The following CNTNAP2 variants were observed in gnomAD, a reference collection of about 807,000 sequenced individuals.
The protein encoded by CNTNAP2 is contactin-associated protein-like 2.
In CNTNAP2, 98 loss-of-function variants were observed where a neutral mutation model predicts 155.2. The ratio of observed to expected loss-of-function variants is 0.63; its 90% CI spans 0.54 to 0.75. The LOEUF (loss-of-function observed/expected upper bound fraction) is 0.75. CNTNAP2 is among the 30% of genes least tolerant of loss of function. The pLI, the probability that CNTNAP2 is intolerant of heterozygous loss-of-function variation, is 0.00. For missense variants in CNTNAP2, 1,727 were observed against 1,688.1 expected, an observed-to-expected ratio of 1.02 and a Z score of -0.40; for synonymous variants, 651 against 631.2, an observed-to-expected ratio of 1.03 and a Z score of -0.47.
At chr7:148,364,305 T>C (rs1798687874) in intron 21 of CNTNAP2, among the ~76,000 whole-genome samples, 1 of 152,252 alleles carries the variant, frequency 6.6e-6, no homozygotes, top group Non-Finnish European at 1.5e-5. Context: ...AGTCTTTATA[T>C]CTAGCTCAGG....
At chr7:147,417,154 G>GT (rs1347492187) in intron 10 of CNTNAP2, among the ~76,000 whole-genome samples, 3 of 151,390 alleles carry the variant, frequency 2.0e-5, no homozygotes, top group African/African-American at 7.3e-5. Context: ...CCTTTTGACT[G>GT]TATCATCTCA....
chr7:146,137,856 A>G (rs1326766609), intron 1 of CNTNAP2, among the ~76,000 whole-genome samples: 3 of 151,900 alleles, frequency 2.0e-5, no homozygotes, highest in African/African-American at 4.8e-5. Flanking sequence ...TATTTTAAAA[A>G]TAAACATGTA....
rs566431620 is a variant in CNTNAP2, at chr7:148,349,648, G to A, written c.3476-34001G>A. On this transcript the variant is annotated intron_variant, in intron 21 of 23. Transcript: ENST00000361727. ...GATCTCCTGACCTCGTGATCCGCCCGTCTCAGCCTCCCAAAGTGCTGGGAT... is the reference window on the plus strand; with the variant it reads ...GATCTCCTGACCTCGTGATCCGCCCATCTCAGCCTCCCAAAGTGCTGGGAT... 1.8e-4 allele frequency among the ~76,000 whole-genome samples: 27 copies of A among 152,164 alleles called. No individual in the cohort carries two copies. The East Asian group carries it at 3.1e-3, about 17-fold the overall frequency.
chr7:147,192,476 C>G (rs549530975), intron 8 of CNTNAP2, among the ~76,000 whole-genome samples: 3 of 152,264 alleles, frequency 2.0e-5, no homozygotes, highest in African/African-American at 7.2e-5. Flanking sequence ...GTTAAACATG[C>G]AAATTATCTG....
At chr7:147,277,090 C>T (rs1804911754) in intron 8 of CNTNAP2, among the ~76,000 whole-genome samples, 1 of 151,982 alleles carries the variant, frequency 6.6e-6, no homozygotes, top group African/African-American at 2.4e-5. Flanking sequence ...AGTAATTTAT[C>T]TTTATAAAAC....
rs780621380 is a variant in CNTNAP2, at chr7:148,267,839, C to G, written c.3475+713C>G. 1.8e-4 allele frequency among the ~76,000 whole-genome samples: 27 copies of G among 152,128 alleles called. 1 individual carries two copies. Among genetic ancestry groups the G allele is most frequent in the Non-Finnish European group, 3.4e-4 (23 of 68,026 alleles). On this transcript the variant is annotated intron_variant, in intron 21 of 23. Transcript: ENST00000361727. ...AATTTGGTCTATTACAGACCTCTAC[C>G]TACTAGCAATATGTAATTTAACGTT...
intron 15 of CNTNAP2, among the ~76,000 whole-genome samples, chr7:148,073,234 G>A (rs940804653): frequency 5.9e-5 from 9 of 152,128 alleles, no homozygotes; most frequent in South Asian, 2.1e-4. Context: ...ATAAGATAGC[G>A]TCATGTGTCA....
At chr7:147,828,657 C>A (rs77627573) in intron 13 of CNTNAP2, among the ~76,000 whole-genome samples, 6,736 of 152,140 alleles carry the variant, frequency 0.044, 267 homozygotes, top group Admixed American at 0.12. Context: ...TTGCTATTAC[C>A]CCATGCTACA....
chr7:146,942,187 G>GA, intron 3 of CNTNAP2, among the ~76,000 whole-genome samples: 1 of 151,928 alleles, frequency 6.6e-6, no homozygotes, highest in Non-Finnish European at 1.5e-5. Flanking sequence ...GAATGGAATG[G>GA]AAAAATACCT....
chr7:148,074,763 C>T (rs1240068609), intron 15 of CNTNAP2, among the ~76,000 whole-genome samples: 1 of 151,790 alleles, frequency 6.6e-6, no homozygotes, highest in African/African-American at 2.4e-5. Flanking sequence ...TCCAAGTTTT[C>T]TTCTGATATG....
chr7:147,758,290 G>A (rs181105513), intron 13 of CNTNAP2, among the ~76,000 whole-genome samples: 7 of 152,258 alleles, frequency 4.6e-5, no homozygotes, highest in South Asian at 4.1e-4. Flanking sequence ...TTATCTCACC[G>A]AAAATGTATC....
intron 13 of CNTNAP2, among the ~76,000 whole-genome samples, chr7:147,881,980 C>T (rs1057323555): frequency 6.6e-6 from 1 of 151,798 alleles, no homozygotes; most frequent in Non-Finnish European, 1.5e-5. Context: ...CACCCCTCAT[C>T]CCTACCAAGA....
intron 1 of CNTNAP2, among the ~76,000 whole-genome samples, chr7:146,477,338 G>T (rs1796892903): frequency 6.6e-6 from 1 of 152,136 alleles, no homozygotes; most frequent in Non-Finnish European, 1.5e-5. Context: ...CTTTGTGAAT[G>T]TGTTGCTAAG....
intron 9 of CNTNAP2, among the ~76,000 whole-genome samples, chr7:147,303,373 A>G (rs1383205883): frequency 2.6e-5 from 4 of 152,050 alleles, no homozygotes; most frequent in African/African-American, 9.7e-5. Flanking sequence ...TCTAAGAGTC[A>G]CCCCCTCTGG....
At chr7:147,746,536 C>G (rs140111754) in intron 13 of CNTNAP2, among the ~76,000 whole-genome samples, 1 of 152,162 alleles carries the variant, frequency 6.6e-6, no homozygotes, top group African/African-American at 2.4e-5. Flanking sequence ...TACCCCATCA[C>G]GACACAAAAA....
intron 1 of CNTNAP2, among the ~76,000 whole-genome samples, chr7:146,622,919 T>G (rs1413325482): frequency 6.8e-6 from 1 of 147,698 alleles, no homozygotes; most frequent in Non-Finnish European, 1.5e-5. Context: ...ATCATGCCAT[T>G]GCACTCTAGC....
chr7:146,139,787 G>T (rs569182591), intron 1 of CNTNAP2, among the ~76,000 whole-genome samples: 11 of 152,196 alleles, frequency 7.2e-5, no homozygotes, highest in Middle Eastern at 3.4e-3. Context: ...GTGTTTTTAA[G>T]GTCCATAAAC....
chr7:147,245,592 G>A (rs1804043423), intron 8 of CNTNAP2, among the ~76,000 whole-genome samples: 1 of 151,784 alleles, frequency 6.6e-6, no homozygotes, highest in Non-Finnish European at 1.5e-5. Context: ...TTAGCACGTC[G>A]GGAGGCCAAG....
At chr7:146,488,017 C>A (rs1054684206) in intron 1 of CNTNAP2, among the ~76,000 whole-genome samples, 2 of 152,120 alleles carry the variant, frequency 1.3e-5, no homozygotes, top group African/African-American at 4.8e-5. Flanking sequence ...ATGGCTAAAA[C>A]CAAATATCAT....
Sources: gnomAD v4.1 joint callset for allele counts (sites outside exome capture counted in the v4.1 genomes callset) on GRCh38, gnomAD v4.1.1 for gene constraint, MANE v1.5 for transcripts, NCBI Gene and HGNC (gene_info 2026-07-23, HGNC 2026-07-21) for gene names.